Variants in CRYBG1 observed in about 807,000 individuals in gnomAD.
The protein encoded by CRYBG1 is crystallin beta-gamma domain containing 1.
CRYBG1 carries 139 observed loss-of-function variants against 189.2 expected under a neutral mutation model. That is an observed-to-expected ratio of 0.73 (90% confidence interval 0.64 to 0.85). The LOEUF (loss-of-function observed/expected upper bound fraction) is 0.85, where lower values mean the gene tolerates loss of function less well. CRYBG1 is among the 40% of genes least tolerant of loss of function. The pLI is 0.00. For synonymous variants in CRYBG1, 1,023 were observed against 1,017.1 expected (o/e 1.01, Z -0.11); for missense variants, 2,611 against 2,675.8 (o/e 0.98, Z 0.53).
At chr6:106,423,914 A>G (rs1326167437) in intron 1 of CRYBG1, among the ~76,000 whole-genome samples, 1 of 151,970 alleles carries the variant, frequency 6.6e-6, no homozygotes, top group African/African-American at 2.4e-5. Flanking sequence ...CACATTGCCC[A>G]GGCTGGTCTC....
At chr6:106,490,536 A>G (rs909314004) in intron 2 of CRYBG1, among the ~76,000 whole-genome samples, 2 of 152,212 alleles carry the variant, frequency 1.3e-5, no homozygotes, top group Non-Finnish European at 2.9e-5. Flanking sequence ...ATTTATCCAC[A>G]TGTACATCAT....
intron 3 of CRYBG1, among the ~76,000 whole-genome samples, chr6:106,517,443 T>TATATACAC (rs1773464085): frequency 6.8e-6 from 1 of 146,758 alleles, no homozygotes. Context: ...CACACACATA[T>TATATACAC]ATATACACAC....
rs553271251 is a variant in CRYBG1, at chr6:106,412,002, G to A, written c.174-39692G>A. ...TGGATGGTGTCCACCCGCATTGAGCGTGGGTCTTTTTCTCCCTGTTGGCTG... is the reference window on the plus strand; with the variant it reads ...TGGATGGTGTCCACCCGCATTGAGCATGGGTCTTTTTCTCCCTGTTGGCTG... On this transcript the variant is annotated intron_variant, in intron 1 of 21. Transcript: ENST00000633556. Among the ~76,000 whole-genome samples, 71 of 152,362 alleles carry A rather than the reference G, an allele frequency of 4.7e-4. 1 individual carries two copies. The highest frequency in any genetic ancestry group is 1.6e-3 in the African/African-American group (68 of 41,588).
chr6:106,529,281 T>G (rs1208635305), intron 7 of CRYBG1, among the ~76,000 whole-genome samples: 2 of 152,178 alleles, frequency 1.3e-5, no homozygotes, highest in Non-Finnish European at 2.9e-5. Context: ...TTCCTTGGGG[T>G]ACATTTTTCT....
chr6:106,365,662 C>T, intron 1 of CRYBG1, among the ~76,000 whole-genome samples: 1 of 92,258 alleles, frequency 1.1e-5, no homozygotes, highest in Non-Finnish European at 2.5e-5. Flanking sequence ...CCATTGAGTT[C>T]TTTGTTTAAG....
intron 1 of CRYBG1, among the ~76,000 whole-genome samples, chr6:106,449,935 T>C (rs1771744294): frequency 6.6e-6 from 1 of 152,196 alleles, no homozygotes; most frequent in African/African-American, 2.4e-5. Flanking sequence ...TAAAAAAGTA[T>C]GTACAGGGGC....
chr6:106,520,164 T>A lies in CRYBG1; in HGVS notation c.2956T>A (p.Leu986Met). The stretch of plus-strand genomic sequence containing the variant: ...GAGCTCTGAAGTTAGAGAAGTGCAG[T>A]TGCCAACTTGTCACAGTAATGAACC... ...PESSEVREVQ[L>M]PTCHSNEPEV... The change falls in exon 4 of 22, where the codon TTG (leucine) becomes ATG (methionine). Residue 986 changes from leucine (L) to methionine (M), a missense_variant. Physicochemically the swap from Leu to Met is conservative, Grantham distance 15. Coordinates refer to ENST00000633556, the MANE Select transcript of CRYBG1 (RefSeq NM_001371242.2). The A allele has an allele frequency of 1.2e-6, 2 of 1,614,132 alleles. No homozygotes were observed. Among genetic ancestry groups the A allele is most frequent in the South Asian group, 2.2e-5 (2 of 91,078 alleles).
At chr6:106,372,470 T>C (rs1161950542) in intron 1 of CRYBG1, among the ~76,000 whole-genome samples, 2 of 152,176 alleles carry the variant, frequency 1.3e-5, no homozygotes, top group Admixed American at 1.3e-4. Context: ...CAGGCTGCTC[T>C]CAAACTCCTG....
In CRYBG1 at chr6:106,544,070, G is replaced by T. The variant is rs115804533; in HGVS notation, c.5039+473G>T. On this transcript the variant is annotated intron_variant, in intron 11 of 21. Coordinates refer to ENST00000633556, the MANE Select transcript of CRYBG1 (RefSeq NM_001371242.2). Reference sequence around the variant, plus strand: ...TCTGTCAAGGAAGGCTGATACATTGGCCTGTTCAAGTTGATCAAATCTACA... The same window carrying T: ...TCTGTCAAGGAAGGCTGATACATTGTCCTGTTCAAGTTGATCAAATCTACA... 9.3e-3 allele frequency among the ~76,000 whole-genome samples: 1,421 copies of T among 152,260 alleles called. 29 individuals are homozygous for T. Among genetic ancestry groups the T allele is most frequent in the African/African-American group, 0.032 (1,337 of 41,552 alleles).
intron 1 of CRYBG1, among the ~76,000 whole-genome samples, chr6:106,423,451 T>A (rs1329050672): frequency 6.6e-6 from 1 of 151,960 alleles, no homozygotes; most frequent in Non-Finnish European, 1.5e-5. Flanking sequence ...TGTAGAGCAA[T>A]TTCCATGTAA....
At chr6:106,434,755 A>T (rs1414612701) in intron 1 of CRYBG1, among the ~76,000 whole-genome samples, 1 of 152,254 alleles carries the variant, frequency 6.6e-6, no homozygotes, top group Non-Finnish European at 1.5e-5. Flanking sequence ...TATTTACAAA[A>T]ACAGGTGGTG....
At position 106,361,095 on chromosome 6, in the gene CRYBG1, C is replaced by T; in HGVS notation, c.173+14C>T. On this transcript the variant is annotated intron_variant, in intron 1 of 21. Coordinates refer to ENST00000633556, the MANE Select transcript of CRYBG1 (RefSeq NM_001371242.2). ...CGGAGAGGCCAGGTGAGCTCCTCGC[C>T]CGAGCCCTCCAGTCCCACCTCCTCC... is the stretch of plus-strand genomic sequence containing the variant. The T allele has an allele frequency of 6.5e-7, 1 of 1,533,764 alleles. No individual in the cohort carries two copies. Among genetic ancestry groups the T allele is most frequent in the Non-Finnish European group, 8.7e-7 (1 of 1,145,956 alleles).
intron 2 of CRYBG1, among the ~76,000 whole-genome samples, chr6:106,484,228 C>T (rs1005641171): frequency 6.6e-6 from 1 of 152,120 alleles, no homozygotes; most frequent in Non-Finnish European, 1.5e-5. Flanking sequence ...CAATACCATG[C>T]TATTTTGTCT....
intron 1 of CRYBG1, among the ~76,000 whole-genome samples, chr6:106,385,170 A>G (rs1770359109): frequency 6.6e-6 from 1 of 152,170 alleles, no homozygotes; most frequent in Admixed American, 6.6e-5. Flanking sequence ...TCTCATAACA[A>G]AAACTCTGGC....
chr6:106,412,943 TAAAAAAAAA>T (rs565658964), intron 1 of CRYBG1, among the ~76,000 whole-genome samples: 3 of 118,848 alleles, frequency 2.5e-5, no homozygotes, highest in African/African-American at 9.1e-5. Context: ...ACAAATTCTT[TAAAAAAAAA>T]AAAAAAAAAA....
At chr6:106,399,658 C>CT (rs34726734) in intron 1 of CRYBG1, among the ~76,000 whole-genome samples, 84,059 of 140,206 alleles carry the variant, frequency 0.6, 25,732 homozygotes, top group East Asian at 0.78. Context: ...GTTTTTCTTT[C>CT]TTTTTTTTTT....
chr6:106,401,123 A>T (rs1359936300), intron 1 of CRYBG1, among the ~76,000 whole-genome samples: 2 of 152,198 alleles, frequency 1.3e-5, no homozygotes, highest in Non-Finnish European at 2.9e-5. Flanking sequence ...GAAGTGCAAA[A>T]GGAAGATTGT....
intron 4 of CRYBG1, among the ~76,000 whole-genome samples, 156 bp from the exon 5 acceptor site, chr6:106,524,977 G>A (rs2114547367): frequency 6.6e-6 from 1 of 152,298 alleles, no homozygotes; most frequent in East Asian, 1.9e-4. Flanking sequence ...TAAACTCAAA[G>A]AGTTTTAATA....
intron 1 of CRYBG1, among the ~76,000 whole-genome samples, chr6:106,416,111 C>T (rs1271677035): frequency 6.6e-6 from 1 of 152,184 alleles, no homozygotes; most frequent in Admixed American, 6.5e-5. Context: ...TTCTTGGCCC[C>T]ACAGCTTTCA....
Sources: gnomAD v4.1 joint callset for allele counts (sites outside exome capture counted in the v4.1 genomes callset) on GRCh38, gnomAD v4.1.1 for gene constraint, MANE v1.5 for transcripts, NCBI Gene and HGNC (gene_info 2026-07-23, HGNC 2026-07-21) for gene names.